SORCS2: variants seen among roughly 807,000 people sequenced by gnomAD.
The protein encoded by SORCS2 is sortilin related VPS10 domain containing receptor 2.
Under a neutral mutation model 141.6 loss-of-function variants are expected in SORCS2, and 100 were observed. That is an observed-to-expected ratio of 0.71 (90% confidence interval 0.60 to 0.83). The LOEUF (loss-of-function observed/expected upper bound fraction) is 0.83. SORCS2 is among the 40% of genes least tolerant of loss of function. The probability of loss-of-function intolerance (pLI) is 0.00; values close to 1 mark genes in which losing one functional copy is unlikely to be tolerated. For missense variants in SORCS2, 1,646 were observed against 1,560.2 expected, an observed-to-expected ratio of 1.05 and a Z score of -0.93; for synonymous variants, 789 against 676.9, an observed-to-expected ratio of 1.17 and a Z score of -2.57.
chr4:7,479,248 G>T (rs549643119), intron 2 of SORCS2, among the ~76,000 whole-genome samples: 1 of 152,054 alleles, frequency 6.6e-6, no homozygotes, highest in East Asian at 2.0e-4. Flanking sequence ...CACAGGACAT[G>T]TTGCTAACCA....
At position 7,318,392 on chromosome 4, in the gene SORCS2, T is replaced by C. The variant is rs1178701168; in HGVS notation, c.481-77896T>C. 2.0e-5 allele frequency among the ~76,000 whole-genome samples: 3 copies of C among 152,260 alleles called. No homozygotes were observed. In the East Asian group the frequency reaches 5.8e-4, roughly 29 times the overall value. On this transcript the variant is annotated intron_variant, in intron 1 of 26. Coordinates refer to ENST00000507866, the MANE Select transcript of SORCS2 (RefSeq NM_020777.3). ...ACCATACTGGATGCCAGATACTTGA[T>C]AGGGAACCCCATCCTGCCCTCAGGG...
intron 3 of SORCS2, among the ~76,000 whole-genome samples, chr4:7,602,449 A>G (rs1411534953): frequency 2.1e-4 from 31 of 147,668 alleles, no homozygotes; most frequent in African/African-American, 7.3e-4. Flanking sequence ...GGTCGCGGCC[A>G]GGCAGAGGCG....
chr4:7,548,912 G>T (rs765689966), intron 3 of SORCS2, among the ~76,000 whole-genome samples: 1 of 152,192 alleles, frequency 6.6e-6, no homozygotes, highest in African/African-American at 2.4e-5. Flanking sequence ...CACCCAGCAG[G>T]CCACTTTCTG....
At chr4:7,486,430 C>G (rs1577644767) in intron 2 of SORCS2, among the ~76,000 whole-genome samples, 1 of 152,220 alleles carries the variant, frequency 6.6e-6, no homozygotes, top group Admixed American at 6.5e-5. Context: ...TGGCCCTGGA[C>G]AGGGTCACTG....
chr4:7,272,509 C>T (rs1715209863), intron 1 of SORCS2, among the ~76,000 whole-genome samples: 1 of 152,178 alleles, frequency 6.6e-6, no homozygotes, highest in Non-Finnish European at 1.5e-5. Flanking sequence ...GTAAATGCAT[C>T]CAGTCAAATT....
chr4:7,433,504 G>T, intron 2 of SORCS2: 1 of 1,603,492 alleles, frequency 6.2e-7, no homozygotes. Flanking sequence ...CACAGCCACG[G>T]GGTCCATCAT....
rs1729045056 is a variant in SORCS2 at position 7,227,258 on chromosome 4, C to A, written c.480+34132C>A. ...ATAGGCTCCAGCCTGGCTCCACACCCCCACTTGCAGCCTGAGGCCTGGCTG... is the reference window on the plus strand; with the variant it reads ...ATAGGCTCCAGCCTGGCTCCACACCACCACTTGCAGCCTGAGGCCTGGCTG... On this transcript the variant is annotated intron_variant, in intron 1 of 26. Coordinates refer to ENST00000507866, the MANE Select transcript of SORCS2 (RefSeq NM_020777.3). Among the ~76,000 whole-genome samples the A allele has an allele frequency of 3.3e-5, 5 of 152,212 alleles. No homozygotes were observed. The South Asian group carries it at 1.0e-3, about 32-fold the overall frequency.
chr4:7,385,351 T>A (rs571146967), intron 1 of SORCS2, among the ~76,000 whole-genome samples: 1 of 152,250 alleles, frequency 6.6e-6, no homozygotes, highest in Admixed American at 6.5e-5. Context: ...GAGGGTGCAA[T>A]GGGGATGCCC....
chr4:7,597,869 G>C (rs866827282), intron 3 of SORCS2, among the ~76,000 whole-genome samples: 1 of 151,860 alleles, frequency 6.6e-6, no homozygotes, highest in Non-Finnish European at 1.5e-5. Flanking sequence ...TGAGAGCTGC[G>C]TTCTGCTCTG....
chr4:7,522,972 CTCCT>C (rs1228222563), intron 2 of SORCS2, among the ~76,000 whole-genome samples: 1 of 128,242 alleles, frequency 7.8e-6, no homozygotes, highest in African/African-American at 2.9e-5. Flanking sequence ...CCCTTTTTCC[CTCCT>C]TCCTTCCTTT....
At chr4:7,575,899 T>A (rs922008258) in intron 3 of SORCS2, among the ~76,000 whole-genome samples, 3 of 152,238 alleles carry the variant, frequency 2.0e-5, no homozygotes, top group African/African-American at 7.2e-5. Flanking sequence ...TTATCTGTTG[T>A]TTCTGTTTCT....
At chr4:7,398,406 T>C (rs1041097450) in intron 2 of SORCS2, among the ~76,000 whole-genome samples, 15 of 152,250 alleles carry the variant, frequency 9.9e-5, no homozygotes, top group African/African-American at 3.6e-4. Flanking sequence ...AGGAAATGTG[T>C]GAAATGTCCC....
At chr4:7,665,993 C>G (rs1234635859) in intron 7 of SORCS2, among the ~76,000 whole-genome samples, 1 of 152,094 alleles carries the variant, frequency 6.6e-6, no homozygotes, top group Non-Finnish European at 1.5e-5. Flanking sequence ...CAGGTGTGGG[C>G]TGCAGGAGGT....
intron 3 of SORCS2, among the ~76,000 whole-genome samples, chr4:7,598,558 C>T (rs1717438341): frequency 6.6e-6 from 1 of 152,138 alleles, no homozygotes; most frequent in East Asian, 1.9e-4. Flanking sequence ...TGAAAAACTC[C>T]TACCTTGGGC....
At chr4:7,631,554 G>A (rs1411545359) in intron 3 of SORCS2, among the ~76,000 whole-genome samples, 1 of 152,180 alleles carries the variant, frequency 6.6e-6, no homozygotes, top group African/African-American at 2.4e-5. Flanking sequence ...CTTTGGCCCA[G>A]CCTGGGTGAG....
intron 3 of SORCS2, among the ~76,000 whole-genome samples, chr4:7,601,925 G>T (rs1004730847): frequency 1.3e-5 from 2 of 152,122 alleles, no homozygotes; most frequent in South Asian, 2.1e-4. Flanking sequence ...ATCTTGCACC[G>T]CCCTTAATCC....
intron 23 of SORCS2, among the ~76,000 whole-genome samples, chr4:7,731,724 C>G (rs1158588439): frequency 6.6e-6 from 1 of 152,202 alleles, no homozygotes; most frequent in Non-Finnish European, 1.5e-5. Flanking sequence ...AAGAGAATAT[C>G]TCCCATAAAT....
intron 1 of SORCS2, among the ~76,000 whole-genome samples, chr4:7,281,046 G>T (rs1439823295): frequency 3.3e-5 from 5 of 152,164 alleles, no homozygotes; most frequent in African/African-American, 1.2e-4. Flanking sequence ...TGCGAGTCGC[G>T]TGTCTGAACG....
chr4:7,192,836 C>G lies in SORCS2; in HGVS notation c.190C>G (p.Leu64Val). 1 of 1,040,906 alleles carries G rather than the reference C, an allele frequency of 9.6e-7. No homozygotes were observed. The highest frequency in any genetic ancestry group is 5.6e-5 in the Admixed American group (1 of 17,820). 64.5% of individuals were successfully genotyped at this position (1,040,906 alleles called of 1,614,324 possible). A position where few individuals can be genotyped will look rare whatever the true frequency, so the allele number is the denominator to read the frequency against. ...CGGGCGCCTGGGTCCTCACGCCCAA[C>G]TGACCCGGGTGCCGCGGAGCCCTCC... ...EPGRLGPHAQ[L>V]TRVPRSPPAG... Residue 64 changes from leucine to valine, a missense_variant, in exon 1 of 27, where the codon CTG becomes GTG. Leu to Val is a conservative substitution (Grantham distance 32). Coordinates refer to ENST00000507866, the MANE Select transcript of SORCS2 (RefSeq NM_020777.3). The surrounding 1 kb of genome is among the most constrained non-coding windows in gnomAD (Gnocchi z 4.0).
Sources: gnomAD v4.1 joint callset for allele counts (sites outside exome capture counted in the v4.1 genomes callset) on GRCh38, gnomAD v4.1.1 for gene constraint, Gnocchi (gnomAD v3.1) non-coding constraint, MANE v1.5 for transcripts, NCBI Gene and HGNC (gene_info 2026-07-23, HGNC 2026-07-21) for gene names.